Variants in POLA2 observed in about 807,000 individuals in gnomAD.
POLA2 encodes the protein DNA polymerase alpha subunit B.
Under a neutral mutation model 82.8 loss-of-function variants are expected in POLA2, and 47 were observed. The ratio of observed to expected loss-of-function variants is 0.57; its 90% CI spans 0.45 to 0.72. The LOEUF (loss-of-function observed/expected upper bound fraction) is 0.72. Ranked by LOEUF, POLA2 falls within the 30% of genes least tolerant of loss-of-function variation. The pLI is 0.00. For missense variants in POLA2, 634 were observed against 728.1 expected, an observed-to-expected ratio of 0.87 and a Z score of 1.49; for synonymous variants, 287 against 286.8, an observed-to-expected ratio of 1.00 and a Z score of -0.01.
At chr11:65,283,832 CA>C (rs1025534112) in intron 10 of POLA2, among the ~76,000 whole-genome samples, 11 of 151,888 alleles carry the variant, frequency 7.2e-5, no homozygotes, top group African/African-American at 2.7e-4. Context: ...TGTGGAAAGG[CA>C]AAAAGAAAGT....
chr11:65,303,510 A>G (rs1456904232), downstream of POLA2, among the ~76,000 whole-genome samples: 1 of 152,068 alleles, frequency 6.6e-6, no homozygotes, highest in Non-Finnish European at 1.5e-5. Flanking sequence ...CGATAGAGCA[A>G]GACTCAGTCT....
chr11:65,305,246 A>T (rs566898775), intron 8 of POLA2: 3 of 408,882 alleles, frequency 7.3e-6, no homozygotes, highest in Non-Finnish European at 1.5e-5. Context: ...CCTCTGCAGA[A>T]ATTCTGCAGT....
intron 10 of POLA2, among the ~76,000 whole-genome samples, chr11:65,287,205 G>A (rs928733218): frequency 1.3e-5 from 2 of 152,052 alleles, no homozygotes; most frequent in South Asian, 2.1e-4. Flanking sequence ...AAGGCAAAGC[G>A]TGATGGGTGG....
chr11:65,289,153 T>G, intron 12 of POLA2, 65 bp downstream of exon 12: 1 of 1,307,618 alleles, frequency 7.6e-7, no homozygotes, highest in Non-Finnish European at 1.1e-6. Context: ...CACTTTTCAT[T>G]TTTTAGTGTT....
In POLA2 at chr11:65,262,339, G is replaced by C. The variant is rs746493444; in HGVS notation, c.47G>C (p.Gly16Ala). The C allele has an allele frequency of 2.5e-6, 4 of 1,613,878 alleles. No individual in the cohort carries two copies. The highest frequency in any genetic ancestry group is 3.4e-6 in the Non-Finnish European group (4 of 1,179,876). The change falls in exon 1 of 18, where the codon GGC becomes GCC. Residue 16 changes from glycine to alanine, a missense_variant. Transcript: ENST00000265465. ...QQLAEELQIF[G>A]LDCEEALIEK... ...CTGGCGGAGGAGCTGCAGATCTTCGGCCTAGACTGCGAGGAGGCTCTAATT... is the reference window on the plus strand; with the variant it reads ...CTGGCGGAGGAGCTGCAGATCTTCGCCCTAGACTGCGAGGAGGCTCTAATT...
At chr11:65,304,991 AC>A (rs937062612) in intron 8 of POLA2, among the ~76,000 whole-genome samples, 2 of 68,300 alleles carry the variant, frequency 2.9e-5, no homozygotes, top group African/African-American at 1.1e-4. Context: ...CCCCACCCCC[AC>A]CCTGTCACCC....
chr11:65,284,877 A>G (rs1192251122), intron 10 of POLA2, among the ~76,000 whole-genome samples: 1 of 152,234 alleles, frequency 6.6e-6, no homozygotes, highest in South Asian at 2.1e-4. Context: ...ATTAGCAACC[A>G]GATCACTGAT....
downstream of POLA2, among the ~76,000 whole-genome samples, chr11:65,303,273 T>C (rs112915458): frequency 0.08 from 11,316 of 141,044 alleles, 1,403 homozygotes; most frequent in African/African-American, 0.28. Flanking sequence ...ACCCGGGAGG[T>C]GGAGCTTGCA....
downstream of POLA2, among the ~76,000 whole-genome samples, chr11:65,302,923 G>C (rs1319346581): frequency 6.6e-6 from 1 of 151,830 alleles, no homozygotes; most frequent in Admixed American, 6.6e-5. Flanking sequence ...AGACAGTTTC[G>C]CCACGTTGCC....
chr11:65,282,530 C>T lies in POLA2; in HGVS notation c.1006+9C>T, dbSNP rs187068378. The T allele has an allele frequency of 3.1e-5, 50 of 1,610,444 alleles. No homozygotes were observed. The highest frequency in any genetic ancestry group is 2.6e-4 in the South Asian group (24 of 90,986). ...CACTGAAGAGGATGCAGGTGAGTTTCGGTTCAAATATTGTTTTGCCAACAA... is the reference window on the plus strand; with the variant it reads ...CACTGAAGAGGATGCAGGTGAGTTTTGGTTCAAATATTGTTTTGCCAACAA... On this transcript the variant is annotated intron_variant, in intron 10 of 17. Transcript: ENST00000265465.
chr11:65,304,620 G>T lies in POLA2; in HGVS notation c.657-753G>T, dbSNP rs953246462. On this transcript the variant is annotated intron_variant, in intron 8 of 8. Transcript: ENST00000525924. ...ACAAGGTGACCCAACATCAATGGGGGTCCAGAAAGCTTCCCTGAGGGGAGA... is the reference window on the plus strand; with the variant it reads ...ACAAGGTGACCCAACATCAATGGGGTTCCAGAAAGCTTCCCTGAGGGGAGA... Among the ~76,000 whole-genome samples the T allele has an allele frequency of 2.6e-5, 4 of 152,218 alleles. No individual in the cohort carries two copies. In the South Asian group the frequency reaches 8.3e-4, roughly 32 times the overall value.
Position 65,294,218 on chromosome 11 carries a change from A to C in POLA2, c.1310A>C (p.Gln437Pro), listed in dbSNP as rs750018486. ...GTGCACCATGAGCCTGTGTACCCCCAGCCGCCTTTCAGCTACTCCGATCTG... is the reference window on the plus strand; with the variant it reads ...GTGCACCATGAGCCTGTGTACCCCCCGCCGCCTTTCAGCTACTCCGATCTG... ...RDVHHEPVYP[Q>P]PPFSYSDLSR... Residue 437 changes from glutamine to proline, a missense_variant, in exon 14 of 18, where the codon CAG becomes CCG. Transcript: ENST00000265465. The C allele has an allele frequency of 1.9e-6, 3 of 1,613,938 alleles. No homozygotes were observed. Among genetic ancestry groups the C allele is most frequent in the Non-Finnish European group, 2.5e-6 (3 of 1,180,016 alleles).
At chr11:65,302,902 G>A (rs1430533032), downstream of POLA2, among the ~76,000 whole-genome samples, 6 of 151,818 alleles carry the variant, frequency 4.0e-5, no homozygotes, top group Admixed American at 3.9e-4. Flanking sequence ...TAATTTTTGA[G>A]TTTTTGATAG....
chr11:65,300,991 G>A (rs1262583944), downstream of POLA2, among the ~76,000 whole-genome samples: 1 of 152,250 alleles, frequency 6.6e-6, no homozygotes, highest in African/African-American at 2.4e-5. Flanking sequence ...TGGCTATACG[G>A]TATTTTATCA....
downstream of POLA2, among the ~76,000 whole-genome samples, chr11:65,299,756 A>G (rs1220412952): frequency 6.6e-6 from 1 of 152,116 alleles, no homozygotes; most frequent in Non-Finnish European, 1.5e-5. Context: ...CAGTGGCGCG[A>G]TCTCGGCTCA....
Position 65,275,877 on chromosome 11 carries a change from C to CT in POLA2, c.355-7dup, listed in dbSNP as rs200656176. 816 of 1,514,552 alleles carry CT rather than the reference C, an allele frequency of 5.4e-4. 5 individuals carry two copies. In the African/African-American group the frequency reaches 7.3e-3, roughly 14 times the overall value. 93.8% of individuals were successfully genotyped at this position (1,514,552 alleles called of 1,614,324 possible). A position where few individuals can be genotyped will look rare whatever the true frequency, so the allele number is the denominator to read the frequency against. On this transcript the variant is annotated splice_polypyrimidine_tract_variant and intron_variant, in intron 4 of 17. Transcript: ENST00000265465. Reference sequence around the variant, plus strand: ...CTAGTAGGACTGAGATTTTGTTTTCCTTTTTTTTCCCTAGGGTTCTCAGAA... The same window carrying CT: ...CTAGTAGGACTGAGATTTTGTTTTCCTTTTTTTTTCCCTAGGGTTCTCAGAA...
intron 4 of POLA2, among the ~76,000 whole-genome samples, chr11:65,275,366 CAAAAAAAAAAAA>C (rs760641138): frequency 1.2e-5 from 1 of 85,808 alleles, no homozygotes; most frequent in African/African-American, 3.8e-5. Flanking sequence ...GTTGATGAGT[CAAAAAAAAAAAA>C]AAAAAAAAGG....
At chr11:65,283,788 T>G (rs1231150129) in intron 10 of POLA2, among the ~76,000 whole-genome samples, 1 of 152,020 alleles carries the variant, frequency 6.6e-6, no homozygotes, top group Non-Finnish European at 1.5e-5. Context: ...AGAATTTCTT[T>G]AAAACCCTAG....
At chr11:65,271,068 T>C (rs1455753874) in intron 4 of POLA2, among the ~76,000 whole-genome samples, 1 of 151,988 alleles carries the variant, frequency 6.6e-6, no homozygotes, top group Non-Finnish European at 1.5e-5. Flanking sequence ...AAGCCCTTCT[T>C]CTGTTTTATT....
Sources: gnomAD v4.1 joint callset for allele counts (sites outside exome capture counted in the v4.1 genomes callset) on GRCh38, gnomAD v4.1.1 for gene constraint, MANE v1.5 for transcripts, NCBI Gene and HGNC (gene_info 2026-07-23, HGNC 2026-07-21) for gene names.